Variants in ANKRD60 observed in about 807,000 individuals in gnomAD.
ANKRD60 encodes ankyrin repeat domain 60.
In ANKRD60, 24 loss-of-function variants were observed where a neutral mutation model predicts 21.3. That is an observed-to-expected ratio of 1.13 (90% CI 0.82 to 1.59). ANKRD60 has a LOEUF of 1.59. Ranked by LOEUF, ANKRD60 falls within the 40% of genes most tolerant of loss-of-function variation. The probability of loss-of-function intolerance (pLI) is 0.00; values close to 1 mark genes in which losing one functional copy is unlikely to be tolerated. For synonymous variants in ANKRD60, 182 were observed against 199.4 expected (o/e 0.91, Z 0.74); for missense variants, 490 against 466.7 (o/e 1.05, Z -0.46).
rs962262507 is a variant in ANKRD60, at chr20:58,222,924, G to A, written c.561+128C>T. 12 of 1,175,222 alleles carry A rather than the reference G, an allele frequency of 1.0e-5. No homozygotes were observed. In the South Asian group the frequency reaches 1.2e-4, roughly 12 times the overall value. 72.8% of individuals were successfully genotyped at this position (1,175,222 alleles called of 1,614,324 possible). A position where few individuals can be genotyped will look rare whatever the true frequency, so the allele number is the denominator to read the frequency against. Reference sequence around the variant, plus strand: ...GTGCGGTATTTCATAATTATGACACGGCTCATCGTTCTCTCTTCCCTGCTC... The same window carrying A: ...GTGCGGTATTTCATAATTATGACACAGCTCATCGTTCTCTCTTCCCTGCTC... On this transcript the variant is annotated intron_variant, in intron 2 of 3. Coordinates refer to ENST00000457363, the Ensembl canonical transcript of ANKRD60.
chr20:58,218,938 G>T, intron 3 of ANKRD60, 133 bp from the exon 4 acceptor site: 1 of 768,486 alleles, frequency 1.3e-6, no homozygotes, highest in Non-Finnish European at 2.0e-6. Context: ...CCTGCCCCCA[G>T]TCCACTCCCC....
At chr20:58,217,858 A>G (rs924542075), downstream of ANKRD60, among the ~76,000 whole-genome samples, 1 of 152,174 alleles carries the variant, frequency 6.6e-6, no homozygotes, top group African/African-American at 2.4e-5. Context: ...ATCTTCTTTT[A>G]CACTGTTTCC....
At chr20:58,217,248 G>C (rs908505642), downstream of ANKRD60, among the ~76,000 whole-genome samples, 2 of 152,130 alleles carry the variant, frequency 1.3e-5, no homozygotes, top group Non-Finnish European at 2.9e-5. Context: ...GGCCAACGTG[G>C]TGAAACCCCA....
At position 58,228,613 on chromosome 20, in the gene ANKRD60, G is replaced by GCCC; in HGVS notation, c.40_41insGGG (p.Ala13_Ala14insGly). On this transcript the variant is annotated inframe_insertion, in exon 1 of 4. Coordinates refer to ENST00000457363, the Ensembl canonical transcript of ANKRD60. The surrounding 1 kb of genome is among the most constrained non-coding windows in gnomAD (Gnocchi z 5.3). ...CGCCGCCCGCGCTCCGCCCGCCCCC[G>GCCC]CCGCCGCCCGCCGCATCCCCCAGGC... is the stretch of plus-strand genomic sequence containing the variant. 1.1e-6 allele frequency: 1 copy of GCCC among 925,256 alleles called. No homozygotes were observed. Among genetic ancestry groups the GCCC allele is most frequent in the Non-Finnish European group, 1.3e-6 (1 of 782,292 alleles). The allele number at this position is 925,256 out of a possible 1,614,324, so 57.3% of individuals were successfully genotyped here.
At chr20:58,226,150 A>G (rs1403065580) in intron 1 of ANKRD60, among the ~76,000 whole-genome samples, 3 of 152,070 alleles carry the variant, frequency 2.0e-5, no homozygotes, top group Non-Finnish European at 4.4e-5. Context: ...AGTTGCCACT[A>G]TTTGGGGTTC....
chr20:58,219,590 C>T (rs1984203800), intron 3 of ANKRD60, among the ~76,000 whole-genome samples: 1 of 152,124 alleles, frequency 6.6e-6, no homozygotes, highest in African/African-American at 2.4e-5. Flanking sequence ...TGACAGGTGT[C>T]CAATATGGAG....
chr20:58,221,584 G>C, intron 2 of ANKRD60, 81 bp from the exon 3 acceptor site: 1 of 1,438,580 alleles, frequency 7.0e-7, no homozygotes, highest in Non-Finnish European at 9.4e-7. Context: ...CATGCTCAGG[G>C]GAAGGCTTGC....
chr20:58,221,744 A>G (rs1984260611), intron 2 of ANKRD60, among the ~76,000 whole-genome samples: 1 of 152,164 alleles, frequency 6.6e-6, no homozygotes. Context: ...CAGGCTCGGA[A>G]CACAGGAAGG....
intron 1 of ANKRD60, among the ~76,000 whole-genome samples, chr20:58,224,041 G>T (rs541828161): frequency 1.1e-3 from 162 of 152,160 alleles, no homozygotes; most frequent in Admixed American, 3.0e-3. Context: ...GACAGAGGTT[G>T]CAGTGAGCCA....
At chr20:58,225,197 C>T (rs1031028240) in intron 1 of ANKRD60, among the ~76,000 whole-genome samples, 2 of 151,912 alleles carry the variant, frequency 1.3e-5, no homozygotes, top group African/African-American at 4.9e-5. Context: ...TGTTAAGTCA[C>T]CCCCTCTCTC....
intron 3 of ANKRD60, among the ~76,000 whole-genome samples, chr20:58,219,169 A>G (rs1049876849): frequency 6.6e-6 from 1 of 151,526 alleles, no homozygotes; most frequent in African/African-American, 2.4e-5. Flanking sequence ...TCCCTAAAAC[A>G]CACCCTGCTC....
downstream of ANKRD60, among the ~76,000 whole-genome samples, chr20:58,216,371 G>T (rs1201894722): frequency 2.6e-5 from 4 of 152,168 alleles, no homozygotes; most frequent in African/African-American, 9.7e-5. Flanking sequence ...TTACATATAG[G>T]AGTCAAGCAG....
Position 58,223,115 on chromosome 20 carries a change from A to G in ANKRD60, c.498T>C (p.Cys166=). ...CTGTCCATCCGTCATGATGCCAGATACATAATGAAATAATCCCTCCAGGAA... is the reference window on the plus strand; with the variant it reads ...CTGTCCATCCGTCATGATGCCAGATGCATAATGAAATAATCCCTCCAGGAA... Residue 166 remains cysteine, a synonymous_variant, in exon 2 of 4, where the codon TGT becomes TGC. Coordinates refer to ENST00000457363, the Ensembl canonical transcript of ANKRD60. The G allele has an allele frequency of 5.8e-6, 9 of 1,551,864 alleles. No individual in the cohort carries two copies. In the South Asian group the frequency reaches 8.3e-5, roughly 14 times the overall value.
chr20:58,218,640 T>C (rs766589061), exon 4 of ANKRD60: 1 of 1,551,694 alleles, frequency 6.4e-7, no homozygotes, highest in Non-Finnish European at 8.7e-7. Flanking sequence ...GCTCAGTGTG[T>C]GGTTCAGGCG....
Position 58,221,472 on chromosome 20 carries a change from A to T in ANKRD60, c.593T>A (p.Phe198Tyr), listed in dbSNP as rs6015225. ...ATGTTCTGAATTTGCGGTTCGGTAG[A>T]AGGAATCTTCAGTAAGCCCGAGACA... The change falls in exon 3 of 4, where the codon TTC (phenylalanine) becomes TAC (tyrosine). Residue 198 changes from phenylalanine to tyrosine, a missense_variant. Coordinates refer to ENST00000457363, the Ensembl canonical transcript of ANKRD60. The T allele has an allele frequency of 0.028, 43,416 of 1,551,728 alleles. 4,615 individuals carry two copies. In the African/African-American group the frequency reaches 0.29, roughly 10 times the overall value.
At chr20:58,223,011 T>C in intron 2 of ANKRD60, 41 bp downstream of exon 2, 1 of 1,517,714 alleles carries the variant, frequency 6.6e-7, no homozygotes, top group Non-Finnish European at 8.9e-7. Context: ...TTACGGTTGC[T>C]TCGTAACGTA....
chr20:58,221,347 G>C, exon 3 of ANKRD60: 1 of 1,551,368 alleles, frequency 6.4e-7, no homozygotes, highest in Non-Finnish European at 8.7e-7. Flanking sequence ...CCGTGTTCTA[G>C]AAGGTACTGC....
downstream of ANKRD60, among the ~76,000 whole-genome samples, chr20:58,217,791 G>A (rs1984164633): frequency 6.6e-6 from 1 of 152,194 alleles, no homozygotes; most frequent in African/African-American, 2.4e-5. Flanking sequence ...GGCAAGAGGA[G>A]ACTGCATGGA....
At chr20:58,216,626 A>T (rs1031425278), downstream of ANKRD60, among the ~76,000 whole-genome samples, 1 of 152,126 alleles carries the variant, frequency 6.6e-6, no homozygotes, top group African/African-American at 2.4e-5. Context: ...CTCGACTATT[A>T]TTTGTCTAAC....
Sources: allele counts gnomAD v4.1 joint callset (sites outside exome capture counted in the v4.1 genomes callset), GRCh38; gene constraint gnomAD v4.1.1; non-coding constraint Gnocchi (gnomAD v3.1); transcripts MANE v1.5; gene names NCBI Gene and HGNC (gene_info 2026-07-23, HGNC 2026-07-21).